Variants in AKAP9 observed in about 807,000 individuals in gnomAD.
The protein encoded by AKAP9 is A-kinase anchor protein 9.
AKAP9 carries 311 observed loss-of-function variants against 488.5 expected under a neutral mutation model. The observed-to-expected ratio is 0.64, with a 90% CI of 0.58 to 0.70. The LOEUF is 0.70. AKAP9 is among the 30% of genes least tolerant of loss of function. The pLI is 0.00. For missense variants in AKAP9, 4,215 were observed against 4,374.5 expected, an observed-to-expected ratio of 0.96 and a Z score of 1.03; for synonymous variants, 1,462 against 1,483.5, an observed-to-expected ratio of 0.99 and a Z score of 0.33.
intron 38 of AKAP9, 70 bp from the exon 39 acceptor site, chr7:92,093,027 T>G (rs116491759): frequency 7.0e-5 from 94 of 1,339,892 alleles, no homozygotes; most frequent in Non-Finnish European, 9.8e-5. Context: ...TCAGTTCTTA[T>G]CAACAAATAT....
intron 28 of AKAP9, among the ~76,000 whole-genome samples, chr7:92,073,463 G>A (rs925692728): frequency 7.9e-5 from 12 of 151,652 alleles, no homozygotes; most frequent in Non-Finnish European, 1.5e-4. Context: ...CCAAGATCAC[G>A]CCACTGCACT....
At chr7:91,961,366 C>T (rs1290529277) in intron 1 of AKAP9, among the ~76,000 whole-genome samples, 15 of 151,374 alleles carry the variant, frequency 9.9e-5, no homozygotes, top group Admixed American at 8.6e-4. Flanking sequence ...TTAGTAGAGA[C>T]GGGGTTTCAC....
intron 48 of AKAP9, 64 bp from the exon 49 acceptor site, chr7:92,108,430 G>A (rs1818879501): frequency 6.4e-7 from 1 of 1,562,610 alleles, no homozygotes; most frequent in South Asian, 1.1e-5. Context: ...AGTGGAGGCA[G>A]GTTGGTAACT....
At chr7:92,033,189 C>G (rs1263951034) in intron 16 of AKAP9, among the ~76,000 whole-genome samples, 1 of 152,122 alleles carries the variant, frequency 6.6e-6, no homozygotes, top group Non-Finnish European at 1.5e-5. Context: ...CACCAAAGTA[C>G]TGGTCAGTGA....
intron 28 of AKAP9, among the ~76,000 whole-genome samples, chr7:92,076,225 A>G (rs1201038411): frequency 1.3e-5 from 2 of 152,204 alleles, no homozygotes; most frequent in East Asian, 1.9e-4. Context: ...TTCATAATCC[A>G]TCCTCAAAAT....
intron 8 of AKAP9, among the ~76,000 whole-genome samples, chr7:92,004,510 T>G (rs1318834076): frequency 6.6e-6 from 1 of 152,224 alleles, no homozygotes; most frequent in South Asian, 2.1e-4. Flanking sequence ...TCGTTTGTAG[T>G]TCTCCTTGAA....
rs766878150 is a variant in AKAP9, at chr7:92,085,620, T to A, written c.8958T>A (p.Ala2986=). The change falls in exon 36 of 50, where the codon GCT becomes GCA. Residue 2986 remains alanine, a synonymous_variant. Transcript: ENST00000356239. ...AACCTTGGCTAGAAGAGAGAAAAGC[T>A]TACATCAATACAATCTCATCTCTAA... is the stretch of plus-strand genomic sequence containing the variant. ...VSEPWLEERK[A]YINTISSLKD... is the part of the protein sequence containing the mutation. 2 of 1,613,928 alleles carry A rather than the reference T, an allele frequency of 1.2e-6. No individual in the cohort carries two copies. The highest frequency in any genetic ancestry group is 1.7e-6 in the Non-Finnish European group (2 of 1,179,912).
rs772120685 is a variant in AKAP9 at position 92,095,036 on chromosome 7, G to T, written c.9592G>T (p.Asp3198Tyr). The T allele has an allele frequency of 6.2e-7, 1 of 1,614,008 alleles. No homozygotes were observed. The change falls in exon 40 of 50, where the codon GAT (aspartate) becomes TAT (tyrosine). Residue 3198 changes from aspartate to tyrosine, a missense_variant. Physicochemically the swap from Asp to Tyr is radical, Grantham distance 160. Around this residue, in one of 5 missense-constraint regions of AKAP9, gnomAD observed 1,476 missense variants for 1,477.4 expected, o/e 1.00. Coordinates refer to ENST00000356239, the MANE Select transcript of AKAP9 (RefSeq NM_005751.5). ...ELEAFRLEVK[D>Y]KTDEVHLLND... is the part of the protein sequence containing the mutation. ...TTTCTGACTTAGGTTGGAAGTTAAAGATAAGACAGATGAAGTACATTTGCT... is the reference window on the plus strand; with the variant it reads ...TTTCTGACTTAGGTTGGAAGTTAAATATAAGACAGATGAAGTACATTTGCT...
chr7:92,000,053 A>G (rs1012046637), intron 7 of AKAP9, among the ~76,000 whole-genome samples: 2 of 152,268 alleles, frequency 1.3e-5, no homozygotes, highest in African/African-American at 4.8e-5. Context: ...ACTTTGACCT[A>G]GGGCCTCTGC....
At chr7:92,108,840 C>A (rs1190022095) in intron 49 of AKAP9, 2 of 646,944 alleles carry the variant, frequency 3.1e-6, no homozygotes, top group African/African-American at 3.6e-5. Flanking sequence ...ATTTATCACC[C>A]CAGATCCCAC....
At chr7:92,017,191 A>G (rs1463593608) in intron 12 of AKAP9, 89 bp downstream of exon 12, 12 of 972,002 alleles carry the variant, frequency 1.2e-5, no homozygotes, top group African/African-American at 3.2e-5. Context: ...AAGAATTTCT[A>G]AAGTAAGAGA....
In AKAP9 at chr7:92,108,737, G is replaced by GT. The variant is rs529725431; in HGVS notation, c.11686+107dup. The GT allele has an allele frequency of 3.8e-4, 522 of 1,368,066 alleles. 2 individuals carry two copies. The African/African-American group carries it at 6.5e-3, about 17-fold the overall frequency. The allele number at this position is 1,368,066 out of a possible 1,614,324, so 84.7% of individuals were successfully genotyped here. A position where few individuals can be genotyped will look rare whatever the true frequency, so the allele number is the denominator to read the frequency against. The stretch of plus-strand genomic sequence containing the variant: ...CTCATTAGGATAATCAAAGCTTCCA[G>GT]TTTAGTGCATGAGCTAATTATTAAG... On this transcript the variant is annotated intron_variant, in intron 49 of 49. Coordinates refer to ENST00000356239, the MANE Select transcript of AKAP9 (RefSeq NM_005751.5).
rs375596133 is a variant in AKAP9, at chr7:92,098,121, A to G, written c.10620A>G (p.Glu3540=). The change falls in exon 43 of 50, where the codon GAA becomes GAG. Residue 3540 remains glutamate, a synonymous_variant. Transcript: ENST00000356239. The part of the protein sequence containing the change: ...PQKASERLQF[E]TADDEDFIWV... The stretch of plus-strand genomic sequence containing the variant: ...CTTTTTCTTGAAGACTACAGTTTGA[A>G]ACAGCAGATGATGAAGATTTCATTT... 1 of 1,608,788 alleles carries G rather than the reference A, an allele frequency of 6.2e-7. No individual in the cohort carries two copies. Among genetic ancestry groups the G allele is most frequent in the African/African-American group, 1.3e-5 (1 of 74,808 alleles).
chr7:91,981,326 A>G (rs1796379465), intron 3 of AKAP9, among the ~76,000 whole-genome samples: 1 of 152,220 alleles, frequency 6.6e-6, no homozygotes, highest in Non-Finnish European at 1.5e-5. Context: ...ATATTCTGAA[A>G]AAATAAAAAA....
At position 92,109,052 on chromosome 7, in the gene AKAP9, A is replaced by G. The variant is rs1442857541; in HGVS notation, c.11686+419A>G. ...CAGAGCGAGACCCTGTCTCAAAGAA[A>G]AAAAAAAAAAAAAGAAAGTGGTAAG... On this transcript the variant is annotated intron_variant, in intron 49 of 49. Transcript: ENST00000356239. 2.5e-5 allele frequency: 6 copies of G among 239,032 alleles called. No individual in the cohort carries two copies. In the South Asian group the frequency reaches 4.3e-4, roughly 17 times the overall value. The allele number at this position is 239,032 out of a possible 1,614,324, so 14.8% of individuals were successfully genotyped here.
At chr7:92,049,471 C>T (rs1807542062) in intron 21 of AKAP9, among the ~76,000 whole-genome samples, 2 of 151,828 alleles carry the variant, frequency 1.3e-5, no homozygotes, top group Admixed American at 6.6e-5. Context: ...ATTAGCCAGG[C>T]GTGGTGGTGG....
At chr7:91,995,504 G>C in intron 6 of AKAP9, 99 bp from the exon 7 acceptor site, 1 of 1,037,272 alleles carries the variant, frequency 9.6e-7, no homozygotes, top group East Asian at 2.5e-5. Context: ...CAAGCCTGCA[G>C]AGTTCCCAGA....
At position 92,001,716 on chromosome 7, in the gene AKAP9, T is replaced by C; in HGVS notation, c.1799T>C (p.Leu600Pro). ...EAEVTNYKIK[L>P]EMLEKEKNAV... is the part of the protein sequence containing the mutation. ...GAAGTTACAAATTACAAGATAAAACTTGAAATGTTAGAAAAAGAAAAGAAT... is the reference window on the plus strand; with the variant it reads ...GAAGTTACAAATTACAAGATAAAACCTGAAATGTTAGAAAAAGAAAAGAAT... The change falls in exon 8 of 50, where the codon CTT becomes CCT. Residue 600 changes from leucine to proline, a missense_variant. Coordinates refer to ENST00000356239, the MANE Select transcript of AKAP9 (RefSeq NM_005751.5). 1 of 1,612,520 alleles carries C rather than the reference T, an allele frequency of 6.2e-7. No individual in the cohort carries two copies. The highest frequency in any genetic ancestry group is 8.5e-7 in the Non-Finnish European group (1 of 1,179,620).
chr7:91,965,994 A>G (rs144241091), intron 1 of AKAP9, among the ~76,000 whole-genome samples: 2,376 of 152,092 alleles, frequency 0.016, 34 homozygotes, highest in Middle Eastern at 0.034. Flanking sequence ...TTGTCTCTTC[A>G]CTTTGTTGAT....
Sources: allele counts gnomAD v4.1 joint callset (sites outside exome capture counted in the v4.1 genomes callset), GRCh38; gene constraint gnomAD v4.1.1; regional missense constraint gnomAD v4.1.1; transcripts MANE v1.5; gene names NCBI Gene and HGNC (gene_info 2026-07-23, HGNC 2026-07-21).